GUCA1C: variants seen among roughly 807,000 people sequenced by gnomAD.
GUCA1C encodes the protein guanylate cyclase activator 1C, also known as guanylyl cyclase-activating protein 3.
GUCA1C carries 15 observed loss-of-function variants against 16.2 expected under a neutral mutation model. That is an observed-to-expected ratio of 0.93 (90% CI 0.62 to 1.43). The LOEUF (loss-of-function observed/expected upper bound fraction) is 1.43. GUCA1C is among the 40% of genes most tolerant of loss of function. The pLI is 0.00. For missense variants in GUCA1C, 275 were observed against 244.8 expected (o/e 1.12, Z -0.82); for synonymous variants, 78 against 85.4 (o/e 0.91, Z 0.48).
chr3:108,936,455 A>G (rs987468356), intron 1 of GUCA1C, among the ~76,000 whole-genome samples: 15 of 152,202 alleles, frequency 9.9e-5, no homozygotes, highest in Non-Finnish European at 1.8e-4. Context: ...TACTTTACAG[A>G]GAATAAAACT....
At chr3:108,922,546 G>A (rs1025697013) in intron 1 of GUCA1C, among the ~76,000 whole-genome samples, 2 of 151,926 alleles carry the variant, frequency 1.3e-5, no homozygotes, top group Admixed American at 6.6e-5. Context: ...GCAGGAGTGA[G>A]GTGATATTGC....
chr3:108,946,630 C>A (rs2715711), intron 1 of GUCA1C, among the ~76,000 whole-genome samples: 54,053 of 151,916 alleles, frequency 0.36, 10,160 homozygotes, highest in Middle Eastern at 0.5. Context: ...AATCTATTTA[C>A]GTTTCTATAG....
chr3:108,948,553 G>A (rs1001960294), intron 1 of GUCA1C, among the ~76,000 whole-genome samples: 1 of 152,148 alleles, frequency 6.6e-6, no homozygotes, highest in East Asian at 1.9e-4. Flanking sequence ...AAAAAAGTAA[G>A]TGTGAAATAA....
At chr3:108,929,625 C>G (rs1946649636) in intron 1 of GUCA1C, among the ~76,000 whole-genome samples, 1 of 152,030 alleles carries the variant, frequency 6.6e-6, no homozygotes, top group African/African-American at 2.4e-5. Context: ...GATTAACTAC[C>G]TTTTTAGAGA....
chr3:108,910,621 T>C (rs989796791), intron 3 of GUCA1C, among the ~76,000 whole-genome samples: 4 of 152,150 alleles, frequency 2.6e-5, no homozygotes, highest in Non-Finnish European at 4.4e-5. Context: ...CTTTGTTTTA[T>C]ATATACAGAC....
rs533140551 is a variant in GUCA1C at position 108,932,333 on chromosome 3, A to C, written c.205-11748T>G. On this transcript the variant is annotated intron_variant, in intron 1 of 3. Transcript: ENST00000261047. ...TCCTAGACCTCCCACCAAAAAAAAA[A>C]AAAAAACAAAAAAAAAAAACAGCAT... Among the ~76,000 whole-genome samples, 666 of 119,474 alleles carry C rather than the reference A, an allele frequency of 5.6e-3. 2 individuals are homozygous for C. The highest frequency in any genetic ancestry group is 0.017 in the African/African-American group (524 of 31,386). 78.4% of individuals were successfully genotyped at this position (119,474 alleles called of 152,430 possible).
At chr3:108,947,381 G>A (rs1559849007) in intron 1 of GUCA1C, among the ~76,000 whole-genome samples, 1 of 152,136 alleles carries the variant, frequency 6.6e-6, no homozygotes, top group Non-Finnish European at 1.5e-5. Flanking sequence ...TGGTTTTGCT[G>A]TCTCAGGGGT....
At chr3:108,947,694 TGTA>T (rs1410360435) in intron 1 of GUCA1C, among the ~76,000 whole-genome samples, 1 of 152,076 alleles carries the variant, frequency 6.6e-6, no homozygotes, top group Non-Finnish European at 1.5e-5. Flanking sequence ...CCAGAAAACA[TGTA>T]GGAGGACAGA....
At chr3:108,950,300 G>A (rs866354583) in intron 1 of GUCA1C, among the ~76,000 whole-genome samples, 16 of 152,140 alleles carry the variant, frequency 1.1e-4, no homozygotes, top group African/African-American at 2.9e-4. Context: ...TTGCTGATGG[G>A]TAATACTTGG....
At chr3:108,912,384 ACTTGT>A (rs1210916911) in intron 3 of GUCA1C, among the ~76,000 whole-genome samples, 1 of 151,660 alleles carries the variant, frequency 6.6e-6, no homozygotes, top group Admixed American at 6.6e-5. Flanking sequence ...ATTTTTCCTG[ACTTGT>A]CTTGTTGTCT....
intron 2 of GUCA1C, among the ~76,000 whole-genome samples, chr3:108,920,163 T>C (rs1946555654): frequency 6.6e-6 from 1 of 152,192 alleles, no homozygotes; most frequent in African/African-American, 2.4e-5. Flanking sequence ...AAAAGATAAG[T>C]TGCTTTACAA....
In GUCA1C at chr3:108,931,168, C is replaced by T. The variant is rs113846459; in HGVS notation, c.205-10583G>A. Among the ~76,000 whole-genome samples, 1,113 of 152,288 alleles carry T rather than the reference C, an allele frequency of 7.3e-3. 14 individuals are homozygous for T. The highest frequency in any genetic ancestry group is 0.025 in the African/African-American group (1,019 of 41,556). On this transcript the variant is annotated intron_variant, in intron 1 of 3. Coordinates refer to ENST00000261047, the MANE Select transcript of GUCA1C (RefSeq NM_005459.4). ...TGATCCTCCAGAGTTTCCATAAAAGCCTTTTATTTGATGATGGTCTGTTTC... is the reference window on the plus strand; with the variant it reads ...TGATCCTCCAGAGTTTCCATAAAAGTCTTTTATTTGATGATGGTCTGTTTC...
chr3:108,943,020 CAA>C (rs1187126851), intron 1 of GUCA1C, among the ~76,000 whole-genome samples: 1 of 152,168 alleles, frequency 6.6e-6, no homozygotes, highest in Admixed American at 6.5e-5. Flanking sequence ...AAGCAGGAAT[CAA>C]GAGTTCATTC....
At chr3:108,950,593 C>T (rs1202671398) in intron 1 of GUCA1C, among the ~76,000 whole-genome samples, 1 of 152,152 alleles carries the variant, frequency 6.6e-6, no homozygotes, top group African/African-American at 2.4e-5. Flanking sequence ...GAGAAATCCA[C>T]CATGCTGTGT....
chr3:108,945,214 G>A (rs2593919), intron 1 of GUCA1C, among the ~76,000 whole-genome samples: 52,715 of 152,146 alleles, frequency 0.35, 9,572 homozygotes, highest in Middle Eastern at 0.49. Context: ...CACTGCCTTT[G>A]AGGAACCAAT....
At chr3:108,919,799 C>A (rs1334368030) in intron 2 of GUCA1C, among the ~76,000 whole-genome samples, 1 of 152,182 alleles carries the variant, frequency 6.6e-6, no homozygotes, top group Non-Finnish European at 1.5e-5. Flanking sequence ...GTCTGCCTTA[C>A]AAATTCAATG....
chr3:108,916,579 G>T (rs1687733742), intron 2 of GUCA1C, among the ~76,000 whole-genome samples: 1 of 152,198 alleles, frequency 6.6e-6, no homozygotes, highest in African/African-American at 2.4e-5. Flanking sequence ...ATTGATTTGG[G>T]TCTTATGGAT....
intron 1 of GUCA1C, among the ~76,000 whole-genome samples, chr3:108,952,795 T>C (rs1946907589): frequency 6.6e-6 from 1 of 152,140 alleles, no homozygotes; most frequent in Non-Finnish European, 1.5e-5. Context: ...TACAGTAAAA[T>C]AACCAAAATA....
In GUCA1C at chr3:108,910,703, G is replaced by A. The variant is rs545971056; in HGVS notation, c.443-2494C>T. Among the ~76,000 whole-genome samples the A allele has an allele frequency of 3.3e-5, 5 of 151,410 alleles. No homozygotes were observed. In the South Asian group the frequency reaches 1.1e-3, roughly 32 times the overall value. On this transcript the variant is annotated intron_variant, in intron 3 of 3. Coordinates refer to ENST00000261047, the MANE Select transcript of GUCA1C (RefSeq NM_005459.4). Reference sequence around the variant, plus strand: ...CTCCCTCTGTCTCCCAGGCTGGAGTGCAGTGGGGCTATCTCGGCTGACTGC... The same window carrying A: ...CTCCCTCTGTCTCCCAGGCTGGAGTACAGTGGGGCTATCTCGGCTGACTGC...
Sources: gnomAD v4.1 joint callset for allele counts (sites outside exome capture counted in the v4.1 genomes callset) on GRCh38, gnomAD v4.1.1 for gene constraint, MANE v1.5 for transcripts, NCBI Gene and HGNC (gene_info 2026-07-23, HGNC 2026-07-21) for gene names.